FRMD6: variants seen among roughly 807,000 people sequenced by gnomAD.
The protein encoded by FRMD6 is FERM domain-containing protein 6.
A neutral mutation model predicts 73.2 loss-of-function variants in FRMD6; 37 were observed. The observed-to-expected ratio is 0.51, with a 90% CI of 0.39 to 0.66. FRMD6 has a LOEUF of 0.66. Ranked by LOEUF, FRMD6 falls within the 30% of genes least tolerant of loss-of-function variation. The pLI is 0.00. For missense variants in FRMD6, 714 were observed against 780.5 expected (o/e 0.91, Z 1.02); for synonymous variants, 273 against 282.2 (o/e 0.97, Z 0.33).
intron 2 of FRMD6, among the ~76,000 whole-genome samples, chr14:51,624,532 C>T (rs113247851): frequency 6.6e-6 from 1 of 152,194 alleles, no homozygotes; most frequent in Non-Finnish European, 1.5e-5. Context: ...GCTTTTAATA[C>T]TGCTGACTTC....
intron 2 of FRMD6, among the ~76,000 whole-genome samples, chr14:51,597,178 C>T (rs1011182316): frequency 1.3e-5 from 2 of 152,096 alleles, no homozygotes; most frequent in Non-Finnish European, 2.9e-5. Flanking sequence ...GATATGGGAG[C>T]TGGGAGATCA....
chr14:51,583,670 A>C (rs1189107720), intron 2 of FRMD6, among the ~76,000 whole-genome samples: 1 of 152,234 alleles, frequency 6.6e-6, no homozygotes, highest in Non-Finnish European at 1.5e-5. Flanking sequence ...CCTAAGTAGC[A>C]GAGCTAGGAT....
At chr14:51,607,771 A>C (rs943854529) in intron 2 of FRMD6, among the ~76,000 whole-genome samples, 1 of 152,196 alleles carries the variant, frequency 6.6e-6, no homozygotes, top group African/African-American at 2.4e-5. Flanking sequence ...GTGACTTTAA[A>C]ATGAAACAAG....
At position 51,725,878 on chromosome 14, in the gene FRMD6, A is replaced by G; in HGVS notation, c.1584+8A>G. On this transcript the variant is annotated splice_region_variant and intron_variant, in intron 13 of 13. Coordinates refer to ENST00000344768, the MANE Select transcript of FRMD6 (RefSeq NM_001267046.2). ...ACTGATTCTCTTCCACAGGTATTAAAGGAATTGAAAAATATCAGTTAGGAA... is the reference window on the plus strand; with the variant it reads ...ACTGATTCTCTTCCACAGGTATTAAGGGAATTGAAAAATATCAGTTAGGAA... 1 of 1,598,020 alleles carries G rather than the reference A, an allele frequency of 6.3e-7. No individual in the cohort carries two copies. Among genetic ancestry groups the G allele is most frequent in the Non-Finnish European group, 8.6e-7 (1 of 1,166,810 alleles).
chr14:51,599,495 A>T (rs1889913392), intron 2 of FRMD6, among the ~76,000 whole-genome samples: 1 of 152,192 alleles, frequency 6.6e-6, no homozygotes, highest in African/African-American at 2.4e-5. Flanking sequence ...GGCAAATAGG[A>T]CCTAATTAAA....
At chr14:51,631,752 C>A (rs983136886) in intron 2 of FRMD6, among the ~76,000 whole-genome samples, 1 of 152,042 alleles carries the variant, frequency 6.6e-6, no homozygotes. Flanking sequence ...TTACTCAGCT[C>A]GTATCATGTA....
chr14:51,587,336 C>T (rs1409645281), intron 2 of FRMD6, among the ~76,000 whole-genome samples: 1 of 152,154 alleles, frequency 6.6e-6, no homozygotes, highest in African/African-American at 2.4e-5. Context: ...GTAGCAGTGA[C>T]ACCTCTGAGT....
intron 2 of FRMD6, among the ~76,000 whole-genome samples, chr14:51,591,620 G>T (rs1278931936): frequency 1.3e-5 from 2 of 152,056 alleles, no homozygotes; most frequent in African/African-American, 4.8e-5. Flanking sequence ...TCAGCTCACT[G>T]CGACCTCTGC....
At chr14:51,575,621 T>A (rs915639957) in intron 2 of FRMD6, 3 of 152,238 alleles carry the variant, frequency 2.0e-5, no homozygotes, top group Non-Finnish European at 4.4e-5. Context: ...CTTAGAGATT[T>A]TTTTTCTTCT....
At chr14:51,555,130 C>T (rs1887055177) in intron 1 of FRMD6, among the ~76,000 whole-genome samples, 1 of 152,262 alleles carries the variant, frequency 6.6e-6, no homozygotes, top group East Asian at 1.9e-4. Flanking sequence ...TAAAAACAGG[C>T]ATCATTTTAC....
the FRMD6 span, among the ~76,000 whole-genome samples, chr14:51,425,007 C>A: frequency 1.7e-4 from 26 of 152,282 alleles, no homozygotes; most frequent in East Asian, 4.8e-3. Flanking sequence ...TACAAAACAG[C>A]TGAGACAGGG....
chr14:51,571,479 T>C (rs1405209795), intron 2 of FRMD6, among the ~76,000 whole-genome samples: 2 of 152,328 alleles, frequency 1.3e-5, no homozygotes, highest in Non-Finnish European at 2.9e-5. Flanking sequence ...CCTGGATAGC[T>C]ACCCAGCAGA....
In FRMD6 at chr14:51,722,057, C is replaced by T. The variant is rs770038557; in HGVS notation, c.1469C>T (p.Ser490Leu). The change falls in exon 12 of 14, where the codon TCG (serine) becomes TTG (leucine). Residue 490 changes from serine (S) to leucine (L), a missense_variant. By Grantham distance (145) the Ser-to-Leu change is moderately radical. Transcript: ENST00000344768. ...CIYITEDMLM[S>L]RKLNGHSGLI... ...TACATCACAGAGGACATGCTCATGT[C>T]GCGGAAGCTGAATGGACACTCTGGT... is the stretch of plus-strand genomic sequence containing the variant. 1.7e-5 allele frequency: 28 copies of T among 1,613,968 alleles called. No individual in the cohort carries two copies. The highest frequency in any genetic ancestry group is 9.9e-5 in the South Asian group (9 of 91,050).
At position 51,550,314 on chromosome 14, in the gene FRMD6, C is replaced by T. The variant is rs375407907; in HGVS notation, c.-209-20034C>T. 1.6e-4 allele frequency among the ~76,000 whole-genome samples: 25 copies of T among 152,298 alleles called. No individual in the cohort carries two copies. In the East Asian group the frequency reaches 2.9e-3, roughly 18 times the overall value. ...AGTACTGGGGTGCAATCATGGCTCA[C>T]TGCAGCCTTGGCCTCCCTGGGCTCA... On this transcript the variant is annotated intron_variant, in intron 1 of 14. Transcript: ENST00000356218.
At chr14:51,590,107 A>T (rs573754318) in intron 2 of FRMD6, among the ~76,000 whole-genome samples, 55 of 151,932 alleles carry the variant, frequency 3.6e-4, no homozygotes, top group African/African-American at 1.3e-3. Flanking sequence ...AGAATTTTTT[A>T]AAAAGTTTTG....
At chr14:51,696,815 C>T (rs1347838972) in intron 2 of FRMD6, among the ~76,000 whole-genome samples, 1 of 150,924 alleles carries the variant, frequency 6.6e-6, no homozygotes, top group East Asian at 1.9e-4. Context: ...ACTCGTTGTA[C>T]AGTAGATGAG....
intron 2 of FRMD6, among the ~76,000 whole-genome samples, chr14:51,642,226 A>G (rs540714344): frequency 2.6e-5 from 4 of 152,290 alleles, no homozygotes; most frequent in Admixed American, 6.5e-5. Context: ...CAACATCTGA[A>G]GTGGGCTACT....
intron 2 of FRMD6, among the ~76,000 whole-genome samples, chr14:51,581,586 A>C: frequency 6.6e-6 from 1 of 152,350 alleles, no homozygotes; most frequent in Non-Finnish European, 1.5e-5. Context: ...AACATAGAAA[A>C]TATTTTGAAA....
intron 2 of FRMD6, among the ~76,000 whole-genome samples, chr14:51,634,536 A>G (rs1222780490): frequency 1.3e-5 from 2 of 152,250 alleles, no homozygotes; most frequent in African/African-American, 4.8e-5. Flanking sequence ...CCTTTGTAGG[A>G]AATGTAAAAT....
Sources: allele counts gnomAD v4.1 joint callset (sites outside exome capture counted in the v4.1 genomes callset), GRCh38; gene constraint gnomAD v4.1.1; transcripts MANE v1.5; gene names NCBI Gene and HGNC (gene_info 2026-07-23, HGNC 2026-07-21).